NCAM2: variants seen among roughly 807,000 people sequenced by gnomAD.
NCAM2 encodes neural cell adhesion molecule 2.
NCAM2 carries 30 observed loss-of-function variants against 98.1 expected under a neutral mutation model. That is an observed-to-expected ratio of 0.31 (90% CI 0.23 to 0.41). The LOEUF (loss-of-function observed/expected upper bound fraction) is 0.41. NCAM2 is among the 10% of genes least tolerant of loss of function. The pLI is 1.00. For synonymous variants in NCAM2, 368 were observed against 342.4 expected (o/e 1.07, Z -0.83); for missense variants, 867 against 1,005.8 (o/e 0.86, Z 1.87).
intron 1 of NCAM2, among the ~76,000 whole-genome samples, chr21:21,143,947 C>A (rs2067221782): frequency 6.6e-6 from 1 of 151,934 alleles, no homozygotes; most frequent in Non-Finnish European, 1.5e-5. Context: ...TAGTAGAAAA[C>A]TCAATGTGTT....
Position 21,144,539 on chromosome 21 carries a change from T to C in NCAM2, c.56-136039T>C, listed in dbSNP as rs150363733. 1.2e-3 allele frequency among the ~76,000 whole-genome samples: 183 copies of C among 152,064 alleles called. 1 individual carries two copies. The highest frequency in any genetic ancestry group is 4.3e-3 in the African/African-American group (180 of 41,498). Reference sequence around the variant, plus strand: ...ACATGGTGATCATAGATCAGAAGAATCAACATATGTCAAGGTCTCAATTTC... The same window carrying C: ...ACATGGTGATCATAGATCAGAAGAACCAACATATGTCAAGGTCTCAATTTC... On this transcript the variant is annotated intron_variant, in intron 1 of 17. Coordinates refer to ENST00000400546, the MANE Select transcript of NCAM2 (RefSeq NM_004540.5).
intron 15 of NCAM2, 44 bp from the exon 16 acceptor site, chr21:21,508,807 C>CATTTTTTTTTT: frequency 1.4e-6 from 1 of 705,750 alleles, no homozygotes; most frequent in Non-Finnish European, 2.0e-6. Flanking sequence ...TACTTTTTTT[C>CATTTTTTTTTT]CTTTTTTTTT....
At chr21:21,450,035 A>G (rs1980788773) in intron 12 of NCAM2, among the ~76,000 whole-genome samples, 1 of 151,968 alleles carries the variant, frequency 6.6e-6, no homozygotes, top group Admixed American at 6.6e-5. Flanking sequence ...GCACTGCCTG[A>G]TTTGCCTTTT....
chr21:21,290,310 A>G (rs2073246696), intron 4 of NCAM2, among the ~76,000 whole-genome samples: 1 of 151,882 alleles, frequency 6.6e-6, no homozygotes, highest in African/African-American at 2.4e-5. Context: ...TTCATTTTAA[A>G]TTTTATTTAT....
intron 1 of NCAM2, among the ~76,000 whole-genome samples, chr21:21,003,343 ATCTT>A (rs2064054110): frequency 1.3e-5 from 2 of 152,286 alleles, no homozygotes; most frequent in South Asian, 4.1e-4. Context: ...CATTGATCAA[ATCTT>A]TCTTGGCTCC....
At chr21:21,400,825 A>G (rs1041072271) in intron 9 of NCAM2, among the ~76,000 whole-genome samples, 9 of 152,164 alleles carry the variant, frequency 5.9e-5, no homozygotes, top group African/African-American at 2.2e-4. Context: ...TTATTATCCC[A>G]AGTGGCTTAC....
At chr21:21,010,733 C>G (rs1466133689) in intron 1 of NCAM2, among the ~76,000 whole-genome samples, 2 of 152,060 alleles carry the variant, frequency 1.3e-5, no homozygotes, top group Non-Finnish European at 1.5e-5. Context: ...TTTAAAGTCT[C>G]TAAGTCTCAG....
intron 11 of NCAM2, among the ~76,000 whole-genome samples, chr21:21,422,856 A>T (rs2077138296): frequency 6.6e-6 from 1 of 152,212 alleles, no homozygotes; most frequent in Middle Eastern, 3.2e-3. Flanking sequence ...GAATCAAATT[A>T]AAGTTGTACA....
intron 5 of NCAM2, among the ~76,000 whole-genome samples, chr21:21,298,724 C>A (rs977627027): frequency 2.6e-5 from 4 of 151,448 alleles, no homozygotes; most frequent in Admixed American, 1.3e-4. Flanking sequence ...TAATACAGTT[C>A]TTTTCCTTAA....
chr21:21,392,779 C>T (rs951606077), intron 9 of NCAM2, among the ~76,000 whole-genome samples: 16 of 152,056 alleles, frequency 1.1e-4, no homozygotes, highest in African/African-American at 3.9e-4. Context: ...ATGTTCTTTG[C>T]CCACTTTTTA....
intron 1 of NCAM2, among the ~76,000 whole-genome samples, chr21:21,048,830 A>G (rs1201119907): frequency 6.6e-6 from 1 of 151,536 alleles, no homozygotes; most frequent in Non-Finnish European, 1.5e-5. Flanking sequence ...ACAGAGTTTG[A>G]CTCTTTTCGT....
chr21:21,114,322 T>A (rs1305616917), intron 1 of NCAM2, among the ~76,000 whole-genome samples: 1 of 152,222 alleles, frequency 6.6e-6, no homozygotes, highest in Non-Finnish European at 1.5e-5. Flanking sequence ...CTACAAAAAT[T>A]GTATTCTTTA....
chr21:21,351,896 G>C (rs1568967528), intron 8 of NCAM2, among the ~76,000 whole-genome samples: 2 of 151,904 alleles, frequency 1.3e-5, no homozygotes, highest in Admixed American at 6.6e-5. Flanking sequence ...ACAGGCACAC[G>C]CCATCACGCC....
chr21:21,290,817 C>T (rs899488828), intron 4 of NCAM2, among the ~76,000 whole-genome samples: 7 of 151,886 alleles, frequency 4.6e-5, no homozygotes, highest in South Asian at 2.1e-4. Flanking sequence ...CATTAAGGAA[C>T]GGCTATGACA....
chr21:21,522,906 G>A (rs1989111671), intron 16 of NCAM2, among the ~76,000 whole-genome samples: 2 of 152,078 alleles, frequency 1.3e-5, no homozygotes, highest in Non-Finnish European at 2.9e-5. Flanking sequence ...TTTCAGGCGT[G>A]AGCCACTGTG....
intron 5 of NCAM2, among the ~76,000 whole-genome samples, chr21:21,298,719 C>G (rs79977923): frequency 0.013 from 1,928 of 151,588 alleles, 44 homozygotes; most frequent in African/African-American, 0.045. Context: ...GTATTTAATA[C>G]AGTTCTTTTC....
intron 1 of NCAM2, among the ~76,000 whole-genome samples, chr21:21,249,612 A>C (rs1036537126): frequency 6.6e-6 from 1 of 152,318 alleles, no homozygotes; most frequent in Non-Finnish European, 1.5e-5. Context: ...GACCTGCCTT[A>C]CAATAAATGG....
rs113169938 is a variant in NCAM2 at position 21,479,479 on chromosome 21, G to C, written c.2077+2008G>C. ...GACGCCTGTAGTCCCAGCTACTCTA[G>C]AGGTTGAGACAGGAGAATGGAGTGG... On this transcript the variant is annotated intron_variant, in intron 15 of 17. Coordinates refer to ENST00000400546, the MANE Select transcript of NCAM2 (RefSeq NM_004540.5). 6.5e-3 allele frequency among the ~76,000 whole-genome samples: 985 copies of C among 150,780 alleles called. 14 individuals are homozygous for C. Among genetic ancestry groups the C allele is most frequent in the African/African-American group, 0.023 (931 of 41,098 alleles).
intron 8 of NCAM2, among the ~76,000 whole-genome samples, chr21:21,357,756 T>C (rs548931804): frequency 2.4e-4 from 37 of 152,220 alleles, no homozygotes; most frequent in African/African-American, 8.2e-4. Context: ...GATGCAATTA[T>C]AGACAATTCT....
Sources: allele counts gnomAD v4.1 joint callset (sites outside exome capture counted in the v4.1 genomes callset), GRCh38; gene constraint gnomAD v4.1.1; transcripts MANE v1.5; gene names NCBI Gene and HGNC (gene_info 2026-07-23, HGNC 2026-07-21).